Variants in ST6GALNAC1 observed in about 807,000 individuals in gnomAD.
ST6GALNAC1 encodes alpha-N-acetylgalactosaminide alpha-2,6-sialyltransferase 1.
A neutral mutation model predicts 56.8 loss-of-function variants in ST6GALNAC1; 45 were observed. The observed-to-expected ratio is 0.79, with a 90% confidence interval of 0.62 to 1.02. The LOEUF is 1.02. Ranked by LOEUF, ST6GALNAC1 falls within the 50% of genes least tolerant of loss-of-function variation. ST6GALNAC1 has a pLI of 0.00. For synonymous variants in ST6GALNAC1, 295 were observed against 297.8 expected, an observed-to-expected ratio of 0.99 and a Z score of 0.10; for missense variants, 743 against 754.8, an observed-to-expected ratio of 0.98 and a Z score of 0.18.
At chr17:76,622,101 C>T (rs1426801448), downstream of ST6GALNAC1, among the ~76,000 whole-genome samples, 20 of 150,014 alleles carry the variant, frequency 1.3e-4, 1 homozygote, top group Admixed American at 1.3e-3. Flanking sequence ...GCCTGGCCTG[C>T]ATTTCTCACT....
chr17:76,626,163 C>T, intron 6 of ST6GALNAC1, 68 bp from the exon 7 acceptor site: 1 of 1,569,576 alleles, frequency 6.4e-7, no homozygotes, highest in Non-Finnish European at 8.8e-7. Context: ...AAGTCAGGGT[C>T]ATGAGCATGA....
In ST6GALNAC1 at chr17:76,627,924, C is replaced by T. The variant is rs370284157; in HGVS notation, c.832-341G>A. Among the ~76,000 whole-genome samples the T allele has an allele frequency of 4.6e-5, 7 of 151,860 alleles. No individual in the cohort carries two copies. Among genetic ancestry groups the T allele is most frequent in the Non-Finnish European group, 1.0e-4 (7 of 67,952 alleles). On this transcript the variant is annotated intron_variant, in intron 2 of 8. Transcript: ENST00000156626. The surrounding 1 kb of genome is among the most constrained non-coding windows in gnomAD (Gnocchi z 4.4). ...CATCCTGGCTAACACGGTGAAACCC[C>T]GTCTCTACTAAAAATACAAAAAATT...
Position 76,627,087 on chromosome 17 carries a change from G to A in ST6GALNAC1, c.1152C>T (p.Asp384=). 2 of 1,564,750 alleles carry A rather than the reference G, an allele frequency of 1.3e-6. No individual in the cohort carries two copies. ...CTTACCGGAACACGTAGTCGTGACT[G>A]TCTATCTCCTGGCCCATGTGGGAGT... ...LNNSHMGQEI[D]SHDYVFRLSG... Residue 384 remains aspartate, a synonymous_variant, in exon 4 of 9, where the codon GAC becomes GAT. Transcript: ENST00000156626. This position sits in a 1 kb window ranked among gnomAD's most constrained non-coding sequence, Gnocchi z 4.4.
chr17:76,626,761 C>T lies in ST6GALNAC1; in HGVS notation c.1201G>A (p.Glu401Lys), dbSNP rs766654048. The T allele has an allele frequency of 5.6e-6, 9 of 1,614,098 alleles. No individual in the cohort carries two copies. Among genetic ancestry groups the T allele is most frequent in the African/African-American group, 4.0e-5 (3 of 74,930 alleles). Residue 401 changes from glutamate to lysine, a missense_variant, in exon 5 of 9, where the codon GAA becomes AAA. Coordinates refer to ENST00000156626, the MANE Select transcript of ST6GALNAC1 (RefSeq NM_018414.5). The stretch of plus-strand genomic sequence containing the variant: ...GATGTCCGAGTCCCCACATCCTGTT[C>T]GTAGCCTTTAATGAGAGCTCCGCTC... ...RLSGALIKGY[E>K]QDVGTRTSFY...
Position 76,629,143 on chromosome 17 carries a change from TGGCCTGA to T in ST6GALNAC1, c.693_699del (p.Gln232ProfsTer18). 1.2e-6 allele frequency: 2 copies of T among 1,613,710 alleles called. No homozygotes were observed. Among genetic ancestry groups the T allele is most frequent in the Non-Finnish European group, 1.7e-6 (2 of 1,179,780 alleles). Reference sequence around the variant, plus strand: ...CTCTGGAAAGGGGCAGGGGGTGGGGTGGCCTGAGGTTTCTTCTCCTTAGGTGGGATGA... The same window carrying T: ...CTCTGGAAAGGGGCAGGGGGTGGGGTGGTTTCTTCTCCTTAGGTGGGATGA... On this transcript the variant is annotated frameshift_variant, in exon 2 of 9. Coordinates refer to ENST00000156626, the MANE Select transcript of ST6GALNAC1 (RefSeq NM_018414.5). LOFTEE classifies it high-confidence loss of function.
chr17:76,628,477 A>AC (rs2075844064), intron 2 of ST6GALNAC1, among the ~76,000 whole-genome samples: 2 of 152,118 alleles, frequency 1.3e-5, no homozygotes, highest in African/African-American at 4.8e-5. Context: ...CTCTGCAAGG[A>AC]CAGGTGAGAA....
At chr17:76,639,811 A>AG (rs953665144) in intron 1 of ST6GALNAC1, among the ~76,000 whole-genome samples, 5 of 148,024 alleles carry the variant, frequency 3.4e-5, no homozygotes, top group Non-Finnish European at 7.5e-5. Flanking sequence ...GGATGAGATG[A>AG]GGGGGAGATT....
rs551411748 is a variant in ST6GALNAC1 at position 76,629,552 on chromosome 17, G to A, written c.291C>T (p.Thr97=). The A allele has an allele frequency of 3.0e-5, 49 of 1,614,020 alleles. No homozygotes were observed. Among genetic ancestry groups the A allele is most frequent in the South Asian group, 1.3e-4 (12 of 91,058 alleles). The change falls in exon 2 of 9, where the codon ACC becomes ACT. Residue 97 remains threonine (T), a synonymous_variant. Transcript: ENST00000156626. ...GGTTGGCCTCCTTTCCTCTGTCTCC[G>A]GTGGTGTGGGCCTTGGGCTGGGTTT... ...NTQTQPKAHT[T]GDRGKEANQA...
intron 1 of ST6GALNAC1, among the ~76,000 whole-genome samples, chr17:76,636,112 T>C (rs1268242582): frequency 6.6e-6 from 1 of 152,214 alleles, no homozygotes; most frequent in Non-Finnish European, 1.5e-5. Context: ...AACCTCCTAT[T>C]ATCCCAGTCC....
chr17:76,635,624 G>T (rs893150735), intron 1 of ST6GALNAC1, among the ~76,000 whole-genome samples: 1 of 152,180 alleles, frequency 6.6e-6, no homozygotes, highest in Non-Finnish European at 1.5e-5. Flanking sequence ...GCAGCAAAGA[G>T]AGACTCTGTC....
chr17:76,640,195 A>T (rs2076031827), intron 1 of ST6GALNAC1, among the ~76,000 whole-genome samples: 1 of 151,974 alleles, frequency 6.6e-6, no homozygotes, highest in Non-Finnish European at 1.5e-5. Context: ...TGGGCAGTTG[A>T]GGGTTCTGGT....
chr17:76,631,544 A>G lies in ST6GALNAC1; in HGVS notation c.132-1833T>C, dbSNP rs1229199265. 3.3e-5 allele frequency among the ~76,000 whole-genome samples: 5 copies of G among 152,190 alleles called. No individual in the cohort carries two copies. In the South Asian group the frequency reaches 8.3e-4, roughly 25 times the overall value. On this transcript the variant is annotated intron_variant, in intron 1 of 8. Transcript: ENST00000156626. Reference sequence around the variant, plus strand: ...TGAGCCTCTGGGGGGGCTTGGAACCAGGAATCGCTCTCTAAGGCTTTGTCT... The same window carrying G: ...TGAGCCTCTGGGGGGGCTTGGAACCGGGAATCGCTCTCTAAGGCTTTGTCT...
At position 76,624,991 on chromosome 17, in the gene ST6GALNAC1, A is replaced by G. The variant is rs1598286292; in HGVS notation, c.*339T>C. ...TCGATCTGGAATTCAAACCAGATCT[A>G]TATGTTTCTGTAAATCCAGGCTCTT... is the stretch of plus-strand genomic sequence containing the variant. On this transcript the variant is annotated 3_prime_UTR_variant, in exon 9 of 9. Transcript: ENST00000156626. 3.1e-6 allele frequency: 1 copy of G among 325,918 alleles called. No individual in the cohort carries two copies. The highest frequency in any genetic ancestry group is 5.7e-6 in the Non-Finnish European group (1 of 176,472). The allele number at this position is 325,918 out of a possible 1,614,324, so 20.2% of individuals were successfully genotyped here.
chr17:76,618,413 TATCAATAG>T, the ST6GALNAC1 span, among the ~76,000 whole-genome samples: 5 of 152,176 alleles, frequency 3.3e-5, no homozygotes, highest in African/African-American at 4.8e-5. Context: ...AAAAACAATT[TATCAATAG>T]GAAAGATAAT....
intron 1 of ST6GALNAC1, among the ~76,000 whole-genome samples, chr17:76,642,190 A>ATC (rs893878778): frequency 6.9e-5 from 10 of 144,866 alleles, no homozygotes; most frequent in African/African-American, 2.2e-4. Context: ...CTATCTGCCT[A>ATC]TCTCTCTATC....
rs2075822113 is a variant in ST6GALNAC1 at position 76,627,537 on chromosome 17, A to G, written c.878T>C (p.Leu293Pro). ...GAGGTTGGGCAGAAAGAGTTTCTGG[A>G]GCCACAGCGACTTGGAGGCTTTGAT... is the stretch of plus-strand genomic sequence containing the variant. ...VKIKASKSLW[L>P]QKLFLPNLTL... The change falls in exon 3 of 9, where the codon CTC becomes CCC. Residue 293 changes from leucine (L) to proline (P), a missense_variant. Transcript: ENST00000156626. The surrounding 1 kb of genome is among the most constrained non-coding windows in gnomAD (Gnocchi z 4.4). 1.4e-5 allele frequency: 22 copies of G among 1,614,170 alleles called. No homozygotes were observed. Among genetic ancestry groups the G allele is most frequent in the Non-Finnish European group, 1.8e-5 (21 of 1,180,034 alleles).
chr17:76,624,297 C>A (rs1221531089), downstream of ST6GALNAC1, among the ~76,000 whole-genome samples: 1 of 152,074 alleles, frequency 6.6e-6, no homozygotes, highest in Non-Finnish European at 1.5e-5. Flanking sequence ...GTCGCCCAGG[C>A]TGGAGTGCAG....
At chr17:76,633,915 G>A (rs949203135) in intron 1 of ST6GALNAC1, 2 of 152,062 alleles carry the variant, frequency 1.3e-5, no homozygotes, top group South Asian at 2.1e-4. Flanking sequence ...AATACAGTAC[G>A]AGAGATAACA....
chr17:76,629,069 A>C lies in ST6GALNAC1; in HGVS notation c.774T>G (p.Ser258=). The change falls in exon 2 of 9, where the codon TCT becomes TCG. Residue 258 remains serine, a synonymous_variant. Transcript: ENST00000156626. ...TTTCCTCAAAATCCCACCGAGGCTCAGATTTGAAGTTGGCGGCCTTCAGTC... is the reference window on the plus strand; with the variant it reads ...TTTCCTCAAAATCCCACCGAGGCTCCGATTTGAAGTTGGCGGCCTTCAGTC... ...NQRLKAANFK[S]EPRWDFEEKY... 1.3e-6 allele frequency: 2 copies of C among 1,565,226 alleles called. No individual in the cohort carries two copies. The highest frequency in any genetic ancestry group is 1.7e-6 in the Non-Finnish European group (2 of 1,155,822).
Sources: allele counts gnomAD v4.1 joint callset (sites outside exome capture counted in the v4.1 genomes callset), GRCh38; gene constraint gnomAD v4.1.1; non-coding constraint Gnocchi (gnomAD v3.1); transcripts MANE v1.5; gene names NCBI Gene and HGNC (gene_info 2026-07-23, HGNC 2026-07-21).